NEGR1: variants seen among roughly 807,000 people sequenced by gnomAD.
NEGR1 encodes the protein neuronal growth regulator 1.
NEGR1 carries 10 observed loss-of-function variants against 40.9 expected under a neutral mutation model. The observed-to-expected ratio is 0.24, with a 90% confidence interval of 0.15 to 0.42. The LOEUF is 0.42. Ranked by LOEUF, NEGR1 falls within the 10% of genes least tolerant of loss-of-function variation. The probability of loss-of-function intolerance (pLI) is 1.00; values close to 1 mark genes in which losing one functional copy is unlikely to be tolerated. For missense variants in NEGR1, 352 were observed against 438.9 expected, an observed-to-expected ratio of 0.80 and a Z score of 1.77; for synonymous variants, 185 against 166.8, an observed-to-expected ratio of 1.11 and a Z score of -0.84.
At chr1:72,263,688 T>C (rs1655542171) in intron 1 of NEGR1, among the ~76,000 whole-genome samples, 1 of 151,568 alleles carries the variant, frequency 6.6e-6, no homozygotes, top group African/African-American at 2.4e-5. Flanking sequence ...ACTTGAATAG[T>C]TGCTGTTCTA....
chr1:71,671,844 A>G (rs1467808233), intron 4 of NEGR1, among the ~76,000 whole-genome samples: 2 of 145,664 alleles, frequency 1.4e-5, no homozygotes, highest in Non-Finnish European at 3.0e-5. Flanking sequence ...ATGTTTTATT[A>G]TTTTTGTTTC....
intron 1 of NEGR1, among the ~76,000 whole-genome samples, chr1:72,258,514 CAAAGAAGA>C (rs1005280137): frequency 1.3e-5 from 2 of 151,928 alleles, no homozygotes; most frequent in Non-Finnish European, 2.9e-5. Flanking sequence ...AGAGCAGAGA[CAAAGAAGA>C]AAAGAAGAAA....
intron 6 of NEGR1, among the ~76,000 whole-genome samples, chr1:71,479,138 A>G (rs962190941): frequency 4.6e-5 from 7 of 152,028 alleles, no homozygotes; most frequent in African/African-American, 1.4e-4. Flanking sequence ...TCACTTTACC[A>G]TTACAGAAAT....
chr1:71,796,611 G>T (rs1376952183), intron 2 of NEGR1, among the ~76,000 whole-genome samples: 1 of 152,038 alleles, frequency 6.6e-6, no homozygotes, highest in Non-Finnish European at 1.5e-5. Flanking sequence ...ATACAATTAA[G>T]TGAAATAATT....
chr1:71,787,271 G>A (rs1656946880), intron 2 of NEGR1, among the ~76,000 whole-genome samples: 1 of 152,316 alleles, frequency 6.6e-6, no homozygotes, highest in Non-Finnish European at 1.5e-5. Flanking sequence ...AAGCCAGTGT[G>A]GTGTTGGTAT....
chr1:72,075,689 A>C (rs1200430678), intron 1 of NEGR1, among the ~76,000 whole-genome samples: 3 of 152,184 alleles, frequency 2.0e-5, no homozygotes, highest in Admixed American at 2.0e-4. Context: ...TGCTATGAAA[A>C]AGTATATTTT....
chr1:71,593,685 G>A (rs1287400680), intron 5 of NEGR1, among the ~76,000 whole-genome samples: 1 of 152,146 alleles, frequency 6.6e-6, no homozygotes, highest in Non-Finnish European at 1.5e-5. Flanking sequence ...ACCACCAGAG[G>A]CCCTCACTCT....
intron 1 of NEGR1, among the ~76,000 whole-genome samples, chr1:72,167,976 A>C (rs923794531): frequency 4.0e-5 from 6 of 150,378 alleles, no homozygotes; most frequent in Non-Finnish European, 5.9e-5. Flanking sequence ...TAATGTCATG[A>C]TTAATAAGGT....
At chr1:72,060,280 T>G (rs759459410) in intron 1 of NEGR1, among the ~76,000 whole-genome samples, 7 of 151,734 alleles carry the variant, frequency 4.6e-5, no homozygotes, top group Non-Finnish European at 7.4e-5. Context: ...ATTATTCATT[T>G]AAGAAGATAG....
intron 1 of NEGR1, among the ~76,000 whole-genome samples, chr1:72,104,128 T>G (rs1649045762): frequency 1.3e-5 from 2 of 152,080 alleles, no homozygotes. Flanking sequence ...GCAGAATGCT[T>G]ACAGATTTTG....
At chr1:72,124,520 C>T (rs1649935141) in intron 1 of NEGR1, among the ~76,000 whole-genome samples, 2 of 152,002 alleles carry the variant, frequency 1.3e-5, no homozygotes, top group Admixed American at 6.6e-5. Flanking sequence ...GTTCCCGGGA[C>T]CCCGTAATTT....
At chr1:71,502,168 G>C (rs760885036) in intron 6 of NEGR1, among the ~76,000 whole-genome samples, 1 of 152,152 alleles carries the variant, frequency 6.6e-6, no homozygotes, top group Non-Finnish European at 1.5e-5. Flanking sequence ...CATGCACCCA[G>C]AAGGTCACGA....
intron 6 of NEGR1, among the ~76,000 whole-genome samples, chr1:71,489,350 G>A (rs1646909805): frequency 6.6e-6 from 1 of 151,864 alleles, no homozygotes; most frequent in African/African-American, 2.4e-5. Context: ...TGGCCCTCCA[G>A]TGTTTCCTTG....
chr1:72,088,320 A>G (rs1488167173), intron 1 of NEGR1, among the ~76,000 whole-genome samples: 2 of 152,138 alleles, frequency 1.3e-5, no homozygotes, highest in African/African-American at 2.4e-5. Flanking sequence ...GGGGGAGTGA[A>G]GCAATAATCT....
intron 2 of NEGR1, among the ~76,000 whole-genome samples, chr1:71,872,339 G>T (rs1660302569): frequency 6.6e-6 from 1 of 152,102 alleles, no homozygotes; most frequent in Non-Finnish European, 1.5e-5. Context: ...TGGTTCTATA[G>T]ACTATTCTAG....
intron 3 of NEGR1, among the ~76,000 whole-genome samples, chr1:71,775,343 T>C (rs1385110566): frequency 8.3e-6 from 1 of 121,180 alleles, no homozygotes; most frequent in Non-Finnish European, 1.8e-5. Context: ...AAGTATTCTT[T>C]AACTTTTTTT....
intron 2 of NEGR1, among the ~76,000 whole-genome samples, chr1:71,843,210 TC>T (rs1319059155): frequency 9.9e-5 from 15 of 151,972 alleles, no homozygotes; most frequent in Admixed American, 9.2e-4. Flanking sequence ...TGCAGCAACA[TC>T]CTATTTGTGG....
chr1:72,261,826 A>T (rs561981732), intron 1 of NEGR1, among the ~76,000 whole-genome samples: 1 of 152,202 alleles, frequency 6.6e-6, no homozygotes, highest in East Asian at 1.9e-4. Context: ...TAACATGAAC[A>T]TACAGAGTGG....
intron 1 of NEGR1, among the ~76,000 whole-genome samples, chr1:72,281,033 A>C (rs1165768273): frequency 6.6e-6 from 1 of 152,206 alleles, no homozygotes; most frequent in African/African-American, 2.4e-5. Flanking sequence ...TTATATTTTC[A>C]TAGGAAATAA....
Sources: allele counts gnomAD v4.1 joint callset (sites outside exome capture counted in the v4.1 genomes callset), GRCh38; gene constraint gnomAD v4.1.1; transcripts MANE v1.5; gene names NCBI Gene and HGNC (gene_info 2026-07-23, HGNC 2026-07-21).